CADPS2: variants seen among roughly 807,000 people sequenced by gnomAD.
CADPS2 encodes calcium-dependent secretion activator 2.
Under a neutral mutation model 172.5 loss-of-function variants are expected in CADPS2, and 93 were observed. The observed-to-expected ratio is 0.54, with a 90% CI of 0.46 to 0.64. The LOEUF is 0.64. Ranked by LOEUF, CADPS2 falls within the 30% of genes least tolerant of loss-of-function variation. The pLI is 0.00. For synonymous variants in CADPS2, 546 were observed against 555.2 expected, an observed-to-expected ratio of 0.98 and a Z score of 0.23; for missense variants, 1,420 against 1,565.9, an observed-to-expected ratio of 0.91 and a Z score of 1.57.
intron 7 of CADPS2, among the ~76,000 whole-genome samples, chr7:122,576,043 G>C (rs1476545128): frequency 6.6e-6 from 1 of 152,128 alleles, no homozygotes; most frequent in Non-Finnish European, 1.5e-5. Context: ...CCTTCTTTCT[G>C]TTCCAAGGTC....
intron 20 of CADPS2, among the ~76,000 whole-genome samples, chr7:122,405,261 C>A (rs1008094537): frequency 2.0e-5 from 3 of 152,144 alleles, no homozygotes; most frequent in African/African-American, 7.2e-5. Context: ...ATATTAAAAA[C>A]CTGACTGTAA....
intron 3 of CADPS2, among the ~76,000 whole-genome samples, chr7:122,658,012 G>C (rs959350954): frequency 6.6e-6 from 1 of 151,972 alleles, no homozygotes; most frequent in Non-Finnish European, 1.5e-5. Flanking sequence ...CTAATATCCA[G>C]AATCTACAAA....
intron 1 of CADPS2, among the ~76,000 whole-genome samples, chr7:122,822,762 T>A (rs1803722065): frequency 2.0e-5 from 3 of 152,126 alleles, no homozygotes; most frequent in South Asian, 4.2e-4. Flanking sequence ...TCCTGGCTCA[T>A]CCTGGCTCAA....
intron 17 of CADPS2, among the ~76,000 whole-genome samples, chr7:122,431,343 A>G (rs979672485): frequency 6.6e-6 from 1 of 152,210 alleles, no homozygotes; most frequent in South Asian, 2.1e-4. Flanking sequence ...ACATTCTAGG[A>G]CAATAAGTGG....
intron 17 of CADPS2, among the ~76,000 whole-genome samples, chr7:122,435,466 C>T (rs569531699): frequency 3.3e-5 from 5 of 152,260 alleles, no homozygotes; most frequent in Non-Finnish European, 7.4e-5. Context: ...TATCATCTCA[C>T]ACCTGTTGGG....
At chr7:122,779,993 A>C (rs1792256554) in intron 1 of CADPS2, among the ~76,000 whole-genome samples, 1 of 152,100 alleles carries the variant, frequency 6.6e-6, no homozygotes, top group Admixed American at 6.5e-5. Flanking sequence ...TCAAAGTCTC[A>C]GGCTACTTGG....
intron 1 of CADPS2, among the ~76,000 whole-genome samples, chr7:122,842,899 A>T (rs554862119): frequency 2.0e-4 from 31 of 152,300 alleles, no homozygotes; most frequent in African/African-American, 7.0e-4. Flanking sequence ...CTCTAAGGAA[A>T]ATTAAAGGAA....
intron 1 of CADPS2, among the ~76,000 whole-genome samples, chr7:122,853,025 T>C (rs1814112768): frequency 6.6e-6 from 1 of 152,178 alleles, no homozygotes; most frequent in African/African-American, 2.4e-5. Flanking sequence ...GTGACTTGCA[T>C]TAGGAAAATA....
At chr7:122,634,925 GA>G (rs2076919506) in intron 3 of CADPS2, among the ~76,000 whole-genome samples, 2 of 152,016 alleles carry the variant, frequency 1.3e-5, no homozygotes, top group South Asian at 4.2e-4. Flanking sequence ...ATTTATTCAG[GA>G]GAAAATTGTT....
intron 8 of CADPS2, among the ~76,000 whole-genome samples, chr7:122,538,004 A>C (rs1452657453): frequency 6.6e-6 from 1 of 151,894 alleles, no homozygotes; most frequent in African/African-American, 2.4e-5. Flanking sequence ...ATCAACAATT[A>C]CTAAAAAACT....
chr7:122,367,539 G>GTTTTT (rs202155427), intron 25 of CADPS2, among the ~76,000 whole-genome samples: 1,665 of 100,292 alleles, frequency 0.017, 136 homozygotes, highest in African/African-American at 0.056. Flanking sequence ...CCTTCCCCCA[G>GTTTTT]TTTTTTTTTT....
intron 12 of CADPS2, among the ~76,000 whole-genome samples, chr7:122,477,841 T>C (rs190767416): frequency 2.6e-5 from 4 of 152,286 alleles, no homozygotes; most frequent in Non-Finnish European, 5.9e-5. Context: ...TACGATTGTA[T>C]GGATTCTAGT....
chr7:122,797,660 C>G (rs936099500), intron 1 of CADPS2, among the ~76,000 whole-genome samples: 1 of 147,742 alleles, frequency 6.8e-6, no homozygotes, highest in Admixed American at 6.8e-5. Flanking sequence ...CACATGGACA[C>G]CTAGAGGGGA....
intron 1 of CADPS2, among the ~76,000 whole-genome samples, chr7:122,858,288 C>T (rs1470498950): frequency 6.6e-6 from 1 of 152,092 alleles, no homozygotes; most frequent in Non-Finnish European, 1.5e-5. Flanking sequence ...CTTCAGTGCC[C>T]AAGATTTGTC....
At chr7:122,396,208 A>T (rs761616716) in intron 20 of CADPS2, among the ~76,000 whole-genome samples, 1 of 152,160 alleles carries the variant, frequency 6.6e-6, no homozygotes, top group Non-Finnish European at 1.5e-5. Flanking sequence ...CCAGGATTTG[A>T]TAGAAAAACT....
At chr7:122,409,470 T>A (rs1230373460) in intron 19 of CADPS2, 1 of 266,838 alleles carries the variant, frequency 3.7e-6, no homozygotes, top group Non-Finnish European at 8.1e-6. Context: ...GGAATACACT[T>A]TTTTTTTTTC....
chr7:122,773,516 A>T (rs915156152), intron 1 of CADPS2, among the ~76,000 whole-genome samples: 1 of 152,056 alleles, frequency 6.6e-6, no homozygotes, highest in African/African-American at 2.4e-5. Flanking sequence ...AATACTGTGC[A>T]TTAAACACTA....
chr7:122,436,392 G>A, intron 17 of CADPS2: 1 of 1,272,772 alleles, frequency 7.9e-7, no homozygotes. Flanking sequence ...TAAAACATAA[G>A]AAAAGAGAAT....
intron 8 of CADPS2, among the ~76,000 whole-genome samples, chr7:122,520,800 T>C (rs1393177741): frequency 6.6e-6 from 1 of 152,134 alleles, no homozygotes; most frequent in African/African-American, 2.4e-5. Context: ...ACAATTCTAA[T>C]AGAAATGAGA....
Sources: gnomAD v4.1 joint callset for allele counts (sites outside exome capture counted in the v4.1 genomes callset) on GRCh38, gnomAD v4.1.1 for gene constraint, MANE v1.5 for transcripts, NCBI Gene and HGNC (gene_info 2026-07-23, HGNC 2026-07-21) for gene names.